Variants in MAML1 observed in about 807,000 individuals in gnomAD.
MAML1 encodes the protein mastermind-like protein 1.
MAML1 carries 14 observed loss-of-function variants against 77.1 expected under a neutral mutation model. That is an observed-to-expected ratio of 0.18 (90% confidence interval 0.12 to 0.28). The LOEUF (loss-of-function observed/expected upper bound fraction) is 0.28. MAML1 is among the 10% of genes least tolerant of loss of function. The pLI is 1.00. For missense variants in MAML1, 1,217 were observed against 1,327.8 expected, an observed-to-expected ratio of 0.92 and a Z score of 1.30; for synonymous variants, 516 against 551.9, an observed-to-expected ratio of 0.93 and a Z score of 0.91.
At chr5:179,743,633 G>A (rs1223626314) in intron 1 of MAML1, among the ~76,000 whole-genome samples, 1 of 151,886 alleles carries the variant, frequency 6.6e-6, no homozygotes, top group Non-Finnish European at 1.5e-5. Context: ...TCAAAGTGCT[G>A]GGATTACAGA....
intron 1 of MAML1, among the ~76,000 whole-genome samples, chr5:179,743,294 C>T (rs140851573): frequency 6.7e-4 from 101 of 151,478 alleles, no homozygotes; most frequent in African/African-American, 2.2e-3. Context: ...TCAGGTGATC[C>T]GCCTGCCTCC....
chr5:179,745,883 AATT>A (rs1779370465), intron 1 of MAML1, among the ~76,000 whole-genome samples: 2 of 146,976 alleles, frequency 1.4e-5, no homozygotes, highest in African/African-American at 5.2e-5. Flanking sequence ...AAAAAAAAAA[AATT>A]AGCCGGGCGT....
At chr5:179,761,647 A>G (rs1779728432) in intron 1 of MAML1, among the ~76,000 whole-genome samples, 1 of 152,120 alleles carries the variant, frequency 6.6e-6, no homozygotes, top group African/African-American at 2.4e-5. Flanking sequence ...GTGAGCCGAG[A>G]TTGCACCATT....
intron 1 of MAML1, among the ~76,000 whole-genome samples, chr5:179,755,223 T>C (rs1779587011): frequency 6.6e-6 from 1 of 152,190 alleles, no homozygotes; most frequent in Non-Finnish European, 1.5e-5. Flanking sequence ...GTTGTGAAGA[T>C]TGAGTGATGA....
intron 1 of MAML1, among the ~76,000 whole-genome samples, chr5:179,764,714 C>A (rs1237294345): frequency 1.3e-5 from 2 of 151,990 alleles, no homozygotes; most frequent in South Asian, 2.1e-4. Flanking sequence ...GTAATCCCAG[C>A]ACTTTGGGAG....
chr5:179,734,257 T>A (rs1779124137), intron 1 of MAML1, among the ~76,000 whole-genome samples: 1 of 152,252 alleles, frequency 6.6e-6, no homozygotes, highest in Non-Finnish European at 1.5e-5. Context: ...TGTGTATTTT[T>A]AAATTCATAC....
chr5:179,745,975 G>C (rs1457520425), intron 1 of MAML1, among the ~76,000 whole-genome samples: 2 of 146,444 alleles, frequency 1.4e-5, no homozygotes, highest in African/African-American at 5.1e-5. Context: ...CGGAGGTTTC[G>C]ATGAGCTGAG....
At chr5:179,763,457 T>C (rs1779757775) in intron 1 of MAML1, among the ~76,000 whole-genome samples, 1 of 13,106 alleles carries the variant, frequency 7.6e-5, no homozygotes, top group African/African-American at 4.9e-4. Flanking sequence ...TTCCTGCGAT[T>C]TTTTTTTTTT....
intron 1 of MAML1, among the ~76,000 whole-genome samples, chr5:179,752,440 ATATT>A (rs1779513285): frequency 6.7e-6 from 1 of 148,458 alleles, no homozygotes; most frequent in African/African-American, 2.5e-5. Flanking sequence ...AAGTTCATAT[ATATT>A]GGGTTAAATA....
chr5:179,763,962 A>G (rs1029777956), intron 1 of MAML1, among the ~76,000 whole-genome samples: 1 of 152,194 alleles, frequency 6.6e-6, no homozygotes. Flanking sequence ...GGAAAGGAGC[A>G]GCATGTGTTT....
chr5:179,741,100 A>T (rs185761764), intron 1 of MAML1, among the ~76,000 whole-genome samples: 16 of 152,110 alleles, frequency 1.1e-4, no homozygotes, highest in East Asian at 5.8e-4. Flanking sequence ...CCTTTTTCCT[A>T]CCAAATCATA....
intron 4 of MAML1, among the ~76,000 whole-genome samples, chr5:179,772,375 C>T (rs1217765463): frequency 6.6e-6 from 1 of 152,154 alleles, no homozygotes; most frequent in Non-Finnish European, 1.5e-5. Context: ...CCTTGGCCTC[C>T]CAAAGTGCTA....
Position 179,755,835 on chromosome 5 carries a change from G to C in MAML1, c.316-9491G>C, listed in dbSNP as rs1779602464. On this transcript the variant is annotated intron_variant, in intron 1 of 4. Coordinates refer to ENST00000292599, the MANE Select transcript of MAML1 (RefSeq NM_014757.5). ...GCTTGAATGCAATGGCGTGATCTCAGCTCACTGCAACCTCTACCTCCCAGG... is the reference window on the plus strand; with the variant it reads ...GCTTGAATGCAATGGCGTGATCTCACCTCACTGCAACCTCTACCTCCCAGG... Among the ~76,000 whole-genome samples, 4 of 150,826 alleles carry C rather than the reference G, an allele frequency of 2.7e-5. No homozygotes were observed. The South Asian group carries it at 8.4e-4, about 32-fold the overall frequency.
intron 1 of MAML1, among the ~76,000 whole-genome samples, chr5:179,749,387 A>G (rs904079759): frequency 6.6e-6 from 1 of 152,094 alleles, no homozygotes; most frequent in African/African-American, 2.4e-5. Context: ...CGGCCTCCCA[A>G]AGTACTGGGA....
In MAML1 at chr5:179,766,197, C is replaced by T. The variant is rs1020270377; in HGVS notation, c.1187C>T (p.Ala396Val). The T allele has an allele frequency of 5.6e-6, 9 of 1,609,088 alleles. No homozygotes were observed. The highest frequency in any genetic ancestry group is 6.8e-6 in the Non-Finnish European group (8 of 1,177,498). Reference protein sequence around the residue: ...GPGGASELSSAHQLQQIAAKQ... With the variant: ...GPGGASELSSVHQLQQIAAKQ... ...GGAGGGGCCTCAGAGCTGTCCTCTG[C>T]CCACCAGCTCCAGCAGATCGCTGCC... Residue 396 changes from alanine (A) to valine (V), a missense_variant, in exon 2 of 5, where the codon GCC becomes GTC. Coordinates refer to ENST00000292599, the MANE Select transcript of MAML1 (RefSeq NM_014757.5). The surrounding 1 kb of genome is among the most constrained non-coding windows in gnomAD (Gnocchi z 4.0).
chr5:179,756,448 A>AC, intron 1 of MAML1, among the ~76,000 whole-genome samples: 1 of 151,782 alleles, frequency 6.6e-6, no homozygotes, highest in Non-Finnish European at 1.5e-5. Context: ...AAAAAAAAAA[A>AC]AAATTAGGCG....
intron 3 of MAML1, among the ~76,000 whole-genome samples, chr5:179,770,594 C>T (rs537736208): frequency 6.6e-6 from 1 of 152,260 alleles, no homozygotes; most frequent in East Asian, 1.9e-4. Context: ...TGTTCATGAA[C>T]ATTTGGGTTT....
intron 1 of MAML1, among the ~76,000 whole-genome samples, chr5:179,751,605 T>C (rs1240652929): frequency 6.6e-6 from 1 of 152,030 alleles, no homozygotes; most frequent in Non-Finnish European, 1.5e-5. Context: ...CTCGGGAGGC[T>C]GAGGCAGGAG....
At chr5:179,765,209 C>T (rs1779794489) in intron 1 of MAML1, 117 bp from the exon 2 acceptor site, 1 of 822,532 alleles carries the variant, frequency 1.2e-6, no homozygotes, top group South Asian at 1.8e-5. Context: ...TGGGAGTGTA[C>T]ACTATGCAAG....
Sources: gnomAD v4.1 joint callset for allele counts (sites outside exome capture counted in the v4.1 genomes callset) on GRCh38, gnomAD v4.1.1 for gene constraint, Gnocchi (gnomAD v3.1) non-coding constraint, MANE v1.5 for transcripts, NCBI Gene and HGNC (gene_info 2026-07-23, HGNC 2026-07-21) for gene names.